The following EFCAB11 variants were observed in gnomAD, a reference collection of about 807,000 sequenced individuals.
The protein encoded by EFCAB11 is EF-hand calcium binding domain 11.
A neutral mutation model predicts 23.0 loss-of-function variants in EFCAB11; 14 were observed. That is an observed-to-expected ratio of 0.61 (90% CI 0.40 to 0.95). The LOEUF (loss-of-function observed/expected upper bound fraction) is 0.95, where lower values mean the gene tolerates loss of function less well. Among genes scored for constraint, EFCAB11 ranks in the 40% least tolerant of loss-of-function variants. The probability of loss-of-function intolerance (pLI) is 0.00; values close to 1 mark genes in which losing one functional copy is unlikely to be tolerated. For synonymous variants in EFCAB11, 65 were observed against 66.6 expected, an observed-to-expected ratio of 0.98 and a Z score of 0.11; for missense variants, 198 against 195.8, an observed-to-expected ratio of 1.01 and a Z score of -0.07.
At chr14:89,923,641 A>G in intron 5 of EFCAB11, 2 of 969,644 alleles carry the variant, frequency 2.1e-6, no homozygotes, top group Non-Finnish European at 2.5e-6. Context: ...GTTTTTATGG[A>G]TGTTTCTATA....
chr14:89,838,638 A>G (rs1288971612), intron 5 of EFCAB11, among the ~76,000 whole-genome samples: 1 of 152,182 alleles, frequency 6.6e-6, no homozygotes, highest in Non-Finnish European at 1.5e-5. Flanking sequence ...CCCAACAGAT[A>G]TTTATAATGG....
chr14:89,804,161 G>A (rs1885884335), intron 5 of EFCAB11, among the ~76,000 whole-genome samples: 1 of 152,184 alleles, frequency 6.6e-6, no homozygotes, highest in African/African-American at 2.4e-5. Context: ...CACCTGGGGT[G>A]GCACCCCCTA....
chr14:89,950,613 T>C (rs563547408), intron 2 of EFCAB11, among the ~76,000 whole-genome samples: 24 of 151,848 alleles, frequency 1.6e-4, no homozygotes, highest in Non-Finnish European at 3.2e-4. Context: ...ATGAAAATCA[T>C]TGTTATCATT....
chr14:89,797,039 T>C lies in EFCAB11; in HGVS notation c.*204A>G, dbSNP rs1159769050. On this transcript the variant is annotated 3_prime_UTR_variant, in exon 6 of 6. Coordinates refer to ENST00000316738, the MANE Select transcript of EFCAB11 (RefSeq NM_145231.4). ...ATGATTAAAAATTTAGTCAATTACT[T>C]ATTGCATGCCTGTGCCAAAATATCT... 1 of 317,120 alleles carries C rather than the reference T, an allele frequency of 3.2e-6. No individual in the cohort carries two copies. The highest frequency in any genetic ancestry group is 5.8e-6 in the Non-Finnish European group (1 of 172,320). The allele number at this position is 317,120 out of a possible 1,614,324, so 19.6% of individuals were successfully genotyped here.
chr14:89,839,134 C>T lies in EFCAB11; in HGVS notation c.411-41810G>A, dbSNP rs568300367. ...CAACAGAGTGGGAAACAATGGACTC[C>T]GAACAGCACTGTGCTTCTGGAGCAG... On this transcript the variant is annotated intron_variant, in intron 5 of 5. Transcript: ENST00000316738. Among the ~76,000 whole-genome samples, 4 of 152,198 alleles carry T rather than the reference C, an allele frequency of 2.6e-5. No homozygotes were observed. The East Asian group carries it at 5.8e-4, about 22-fold the overall frequency.
At chr14:89,883,804 A>C (rs1888671591) in intron 5 of EFCAB11, among the ~76,000 whole-genome samples, 1 of 152,150 alleles carries the variant, frequency 6.6e-6, no homozygotes, top group Non-Finnish European at 1.5e-5. Flanking sequence ...ATATAGACAA[A>C]TTTAACAGCA....
intron 5 of EFCAB11, among the ~76,000 whole-genome samples, chr14:89,825,676 T>C (rs1054262549): frequency 6.6e-6 from 1 of 152,074 alleles, no homozygotes; most frequent in Non-Finnish European, 1.5e-5. Flanking sequence ...AAGGAAATAG[T>C]ATATGTAATT....
chr14:89,878,222 T>G (rs2140172177), intron 5 of EFCAB11, among the ~76,000 whole-genome samples: 1 of 152,292 alleles, frequency 6.6e-6, no homozygotes, highest in East Asian at 1.9e-4. Context: ...CCTGTGGTAG[T>G]GTGGTATGTG....
intron 2 of EFCAB11, chr14:89,952,516 T>C: frequency 1.0e-6 from 1 of 985,488 alleles, no homozygotes; most frequent in African/African-American, 1.7e-5. Flanking sequence ...GAGTCAGCCC[T>C]GACTACTTCT....
chr14:89,916,169 G>T (rs201634198), intron 5 of EFCAB11, among the ~76,000 whole-genome samples: 3 of 146,192 alleles, frequency 2.1e-5, no homozygotes, highest in Non-Finnish European at 4.5e-5. Flanking sequence ...AAAAAAAAAA[G>T]AAAAAAAGAA....
intron 5 of EFCAB11, among the ~76,000 whole-genome samples, chr14:89,838,525 AAG>A (rs72256501): frequency 0.077 from 11,762 of 152,090 alleles, 939 homozygotes; most frequent in African/African-American, 0.2. Flanking sequence ...ATTAAACTAA[AAG>A]AAATTTCAGA....
At chr14:89,867,556 C>T (rs1888132012) in intron 5 of EFCAB11, among the ~76,000 whole-genome samples, 1 of 152,232 alleles carries the variant, frequency 6.6e-6, no homozygotes, top group East Asian at 1.9e-4. Flanking sequence ...AGCCCCAACG[C>T]AACTGCCCTT....
intron 5 of EFCAB11, among the ~76,000 whole-genome samples, chr14:89,930,784 G>C (rs571498985): frequency 1.3e-5 from 2 of 152,144 alleles, no homozygotes; most frequent in Non-Finnish European, 2.9e-5. Context: ...TATTTTTTGA[G>C]TTTCCGTTCT....
intron 5 of EFCAB11, among the ~76,000 whole-genome samples, chr14:89,870,750 T>G: frequency 7.6e-6 from 1 of 131,930 alleles, no homozygotes; most frequent in Admixed American, 8.5e-5. Flanking sequence ...GCCAATATGG[T>G]GACACCTCAT....
intron 5 of EFCAB11, among the ~76,000 whole-genome samples, chr14:89,841,467 A>G (rs1363799150): frequency 6.9e-6 from 1 of 143,996 alleles, no homozygotes; most frequent in East Asian, 2.1e-4. Flanking sequence ...CCAGTCTGCT[A>G]TCCTCTCTCC....
intron 3 of EFCAB11, among the ~76,000 whole-genome samples, chr14:89,948,326 G>A (rs1044245483): frequency 1.3e-5 from 2 of 152,102 alleles, no homozygotes; most frequent in African/African-American, 4.8e-5. Flanking sequence ...CAAAAGACAG[G>A]TAATAACAAA....
Position 89,828,075 on chromosome 14 carries a change from G to A in EFCAB11, c.411-30751C>T, listed in dbSNP as rs182085935. On this transcript the variant is annotated intron_variant, in intron 5 of 5. Transcript: ENST00000316738. ...TTTGATTCCATGCTTAGTACTGACA[G>A]TAGAAATTTTTGCCTAAAGCCATTT... is the stretch of plus-strand genomic sequence containing the variant. Among the ~76,000 whole-genome samples, 190 of 152,296 alleles carry A rather than the reference G, an allele frequency of 1.2e-3. 1 individual carries two copies. The Middle Eastern group carries it at 0.014, about 11-fold the overall frequency.
chr14:89,861,462 G>C (rs1489190546), intron 5 of EFCAB11, among the ~76,000 whole-genome samples: 1 of 152,176 alleles, frequency 6.6e-6, no homozygotes, highest in Admixed American at 6.5e-5. Flanking sequence ...ATCTGCTGCA[G>C]CCTGCAAACA....
intron 5 of EFCAB11, among the ~76,000 whole-genome samples, chr14:89,929,960 G>T (rs11845218): frequency 0.32 from 48,068 of 151,924 alleles, 11,630 homozygotes; most frequent in African/African-American, 0.67. Flanking sequence ...TTGGACAACT[G>T]GTCTTTTTGT....
Sources: gnomAD v4.1 joint callset for allele counts (sites outside exome capture counted in the v4.1 genomes callset) on GRCh38, gnomAD v4.1.1 for gene constraint, MANE v1.5 for transcripts, NCBI Gene and HGNC (gene_info 2026-07-23, HGNC 2026-07-21) for gene names.